The following WAC variants were observed in gnomAD, a reference collection of about 807,000 sequenced individuals.
WAC encodes the protein WW domain-containing adapter protein with coiled-coil.
A neutral mutation model predicts 79.6 loss-of-function variants in WAC; 11 were observed. That is an observed-to-expected ratio of 0.14 (90% CI 0.09 to 0.23). The LOEUF is 0.23. Ranked by LOEUF, WAC falls within the 10% of genes least tolerant of loss-of-function variation. The probability of loss-of-function intolerance (pLI) is 1.00; values close to 1 mark genes in which losing one functional copy is unlikely to be tolerated. For synonymous variants in WAC, 304 were observed against 276.9 expected (o/e 1.10, Z -0.97); for missense variants, 728 against 773.5 (o/e 0.94, Z 0.70).
intron 6 of WAC, among the ~76,000 whole-genome samples, chr10:28,592,264 A>G (rs1840131176): frequency 6.6e-6 from 1 of 152,202 alleles, no homozygotes; most frequent in African/African-American, 2.4e-5. Context: ...TCCTCTAGAC[A>G]TAAACAAGTT....
intron 3 of WAC, among the ~76,000 whole-genome samples, chr10:28,556,586 T>A (rs1043557942): frequency 6.6e-6 from 1 of 151,948 alleles, no homozygotes; most frequent in Non-Finnish European, 1.5e-5. Flanking sequence ...GTATTTTTGC[T>A]TTTGTTGCCT....
At position 28,595,881 on chromosome 10, in the gene WAC, G is replaced by A; in HGVS notation, c.759G>A (p.Val253=). ...CAGTACAGCACCCCATCAAACCAGT[G>A]GTTCATCCAACTGCTACCCCAAGCA... ...STPVQHPIKP[V]VHPTATPSTV... The change falls in exon 7 of 14, where the codon GTG becomes GTA. Residue 253 remains valine (V), a synonymous_variant. Transcript: ENST00000354911. 6.2e-7 allele frequency: 1 copy of A among 1,614,046 alleles called. No homozygotes were observed. Among genetic ancestry groups the A allele is most frequent in the Non-Finnish European group, 8.5e-7 (1 of 1,179,984 alleles).
At chr10:28,542,791 T>C (rs1166903428) in intron 3 of WAC, among the ~76,000 whole-genome samples, 1 of 152,226 alleles carries the variant, frequency 6.6e-6, no homozygotes, top group African/African-American at 2.4e-5. Context: ...AAAATACACA[T>C]AAGTGGGAAA....
chr10:28,591,356 C>G (rs1643448036), intron 6 of WAC: 1 of 152,682 alleles, frequency 6.5e-6, no homozygotes, highest in South Asian at 2.1e-4. Context: ...AATTTCCACA[C>G]AATTTTAAAA....
chr10:28,591,025 A>T (rs1840054928), intron 6 of WAC, 193 bp downstream of exon 6: 1 of 546,398 alleles, frequency 1.8e-6, no homozygotes, highest in Admixed American at 3.5e-5. Flanking sequence ...GTCGAGTAGT[A>T]CAGGTATGTG....
intron 3 of WAC, among the ~76,000 whole-genome samples, chr10:28,544,198 G>A (rs1284778587): frequency 6.6e-6 from 1 of 152,020 alleles, no homozygotes; most frequent in East Asian, 1.9e-4. Flanking sequence ...CAGATTTTTT[G>A]TAAAATTGTT....
intron 3 of WAC, among the ~76,000 whole-genome samples, chr10:28,544,992 G>C (rs1307810257): frequency 1.4e-5 from 2 of 147,994 alleles, no homozygotes; most frequent in Non-Finnish European, 3.0e-5. Flanking sequence ...TTAAACCCAG[G>C]ATTGCACCAC....
Position 28,617,960 on chromosome 10 carries a change from C to T in WAC, c.1874+176C>T, listed in dbSNP as rs78153228. On this transcript the variant is annotated intron_variant, in intron 13 of 13. Coordinates refer to ENST00000354911, the MANE Select transcript of WAC (RefSeq NM_016628.5). ...ATTTCTCGTGAAGGATAAAGCCTGT[C>T]GATTTTCTCTTAACCCATGATGAAT... The T allele has an allele frequency of 6.9e-3, 4,661 of 671,346 alleles. 27 individuals are homozygous for T. Among genetic ancestry groups the T allele is most frequent in the Middle Eastern group, 0.013 (27 of 2,122 alleles). The allele number at this position is 671,346 out of a possible 1,614,324, so 41.6% of individuals were successfully genotyped here.
intron 3 of WAC, among the ~76,000 whole-genome samples, chr10:28,542,829 C>T (rs1276471900): frequency 6.6e-6 from 1 of 152,184 alleles, no homozygotes; most frequent in South Asian, 2.1e-4. Context: ...GATCAGTAGC[C>T]TTCAAACAAA....
intron 3 of WAC, among the ~76,000 whole-genome samples, chr10:28,579,007 C>G (rs1458702940): frequency 6.6e-6 from 1 of 152,136 alleles, no homozygotes; most frequent in Non-Finnish European, 1.5e-5. Context: ...CTGTCCTGCT[C>G]TTCTCCCTAA....
At chr10:28,582,371 A>G (rs1026383310) in intron 3 of WAC, among the ~76,000 whole-genome samples, 14 of 152,206 alleles carry the variant, frequency 9.2e-5, no homozygotes, top group African/African-American at 3.4e-4. Context: ...AAAACCTTAT[A>G]GTCATCATCT....
At chr10:28,604,261 G>A (rs865975909) in intron 7 of WAC, among the ~76,000 whole-genome samples, 1 of 147,568 alleles carries the variant, frequency 6.8e-6, no homozygotes, top group East Asian at 2.0e-4. Context: ...TTATTGTTTA[G>A]CATTATCAGT....
Position 28,541,278 on chromosome 10 carries a change from A to G in WAC, c.274+5521A>G, listed in dbSNP as rs76510553. Among the ~76,000 whole-genome samples the G allele has an allele frequency of 4.2e-3, 633 of 152,248 alleles. 10 individuals are homozygous for G. Among genetic ancestry groups the G allele is most frequent in the African/African-American group, 0.015 (605 of 41,532 alleles). On this transcript the variant is annotated intron_variant, in intron 3 of 13. Coordinates refer to ENST00000354911, the MANE Select transcript of WAC (RefSeq NM_016628.5). ...TGCAGAATTGTTTGGGGGGTAGTGC[A>G]TCATTTTGTTATGATGCTGGAAAGA...
In WAC at chr10:28,621,215, A is replaced by ATTTTTTTT. The variant is rs9331408; in HGVS notation, c.*1622_*1629dup. 3 of 102,504 alleles carry ATTTTTTTT rather than the reference A, an allele frequency of 2.9e-5. No individual in the cohort carries two copies. Among genetic ancestry groups the ATTTTTTTT allele is most frequent in the Non-Finnish European group, 3.9e-5 (2 of 51,872 alleles). 6.3% of individuals were successfully genotyped at this position (102,504 alleles called of 1,614,324 possible). ...TAAATTGGTTTAGGGTTTTTTGGTG[A>ATTTTTTTT]TTTTTTTTTTTTTTTTTTTTCTGTT... On this transcript the variant is annotated 3_prime_UTR_variant, in exon 14 of 14. Coordinates refer to ENST00000354911, the MANE Select transcript of WAC (RefSeq NM_016628.5).
intron 3 of WAC, among the ~76,000 whole-genome samples, chr10:28,553,491 A>G (rs939723432): frequency 6.6e-6 from 1 of 152,138 alleles, no homozygotes; most frequent in African/African-American, 2.4e-5. Context: ...AATGAATTTC[A>G]TATTTCAGAA....
At chr10:28,551,918 G>A (rs1837701971) in intron 3 of WAC, among the ~76,000 whole-genome samples, 1 of 150,472 alleles carries the variant, frequency 6.6e-6, no homozygotes, top group Admixed American at 6.6e-5. Context: ...TTTGCCTCCT[G>A]AGTTCAAATG....
rs182451824 is a variant in WAC at position 28,533,924 on chromosome 10, G to A, written c.42-74G>A. 0.012 allele frequency: 19,270 copies of A among 1,559,918 alleles called. 175 individuals are homozygous for A. The highest frequency in any genetic ancestry group is 0.015 in the Non-Finnish European group (16,621 of 1,141,478). On this transcript the variant is annotated intron_variant, in intron 1 of 13. Coordinates refer to ENST00000354911, the MANE Select transcript of WAC (RefSeq NM_016628.5). ...TCTCCCGCGGGGAGGGGCGGCGGGG[G>A]CCCCGTTTTCTTCCTCCCCGGCCCC...
intron 3 of WAC, among the ~76,000 whole-genome samples, chr10:28,575,901 T>C (rs1394338129): frequency 6.6e-6 from 1 of 152,234 alleles, no homozygotes. Flanking sequence ...GATCTCATAA[T>C]GTATTTTTAC....
chr10:28,618,877 C>T (rs1841585632), intron 13 of WAC, among the ~76,000 whole-genome samples: 1 of 152,182 alleles, frequency 6.6e-6, no homozygotes, highest in South Asian at 2.1e-4. Context: ...AGAAAACATG[C>T]AGTATAGGTT....
Sources: allele counts gnomAD v4.1 joint callset (sites outside exome capture counted in the v4.1 genomes callset), GRCh38; gene constraint gnomAD v4.1.1; transcripts MANE v1.5; gene names NCBI Gene and HGNC (gene_info 2026-07-23, HGNC 2026-07-21).